TSPEAR: variants seen among roughly 807,000 people sequenced by gnomAD.
TSPEAR encodes thrombospondin type laminin G domain and EAR repeats, also known as thrombospondin-type laminin G domain and EAR repeat-containing protein.
Under a neutral mutation model 71.6 loss-of-function variants are expected in TSPEAR, and 69 were observed. The observed-to-expected ratio is 0.96, with a 90% CI of 0.79 to 1.18. TSPEAR has a LOEUF of 1.18. Ranked by LOEUF, TSPEAR falls within the 50% of genes most tolerant of loss-of-function variation. TSPEAR has a pLI of 0.00. For synonymous variants in TSPEAR, 402 were observed against 387.2 expected, an observed-to-expected ratio of 1.04 and a Z score of -0.45; for missense variants, 971 against 894.9, an observed-to-expected ratio of 1.09 and a Z score of -1.09.
intron 9 of TSPEAR, among the ~76,000 whole-genome samples, chr21:44,512,456 T>C (rs1424619124): frequency 6.6e-6 from 1 of 151,990 alleles, no homozygotes; most frequent in African/African-American, 2.4e-5. Flanking sequence ...AGACAGGGGC[T>C]TTGGGAGACC....
At chr21:44,646,493 C>T (rs377695090) in intron 1 of TSPEAR, 3 of 1,613,162 alleles carry the variant, frequency 1.9e-6, no homozygotes, top group Non-Finnish European at 2.5e-6. Context: ...TGCTCCAGCG[C>T]TTACTCCGAC....
chr21:44,652,169 G>A (rs1984843439), intron 1 of TSPEAR, among the ~76,000 whole-genome samples: 1 of 152,080 alleles, frequency 6.6e-6, no homozygotes, highest in Non-Finnish European at 1.5e-5. Flanking sequence ...ATTTTTAGTA[G>A]AGACGGGGTT....
intron 9 of TSPEAR, among the ~76,000 whole-genome samples, chr21:44,515,206 G>T (rs1555913226): frequency 6.6e-6 from 1 of 152,286 alleles, no homozygotes; most frequent in Non-Finnish European, 1.5e-5. Flanking sequence ...AACACAATGT[G>T]AGAAATGTTG....
chr21:44,677,890 T>C, intron 1 of TSPEAR: 2 of 1,394,540 alleles, frequency 1.4e-6, no homozygotes, highest in Non-Finnish European at 2.0e-6. Context: ...GAAGCCCATT[T>C]GGCATATAGG....
chr21:44,551,412 G>T, intron 2 of TSPEAR: 2 of 1,613,414 alleles, frequency 1.2e-6, no homozygotes, highest in Non-Finnish European at 1.7e-6. Flanking sequence ...CACCTGCCAG[G>T]AGTTGGTGCA....
intron 2 of TSPEAR, chr21:44,550,666 C>A (rs781863618): frequency 1.2e-6 from 2 of 1,610,104 alleles, no homozygotes; most frequent in East Asian, 4.5e-5. Context: ...GGCCTGAGCC[C>A]GGCTGGCCCT....
chr21:44,562,568 T>C (rs2053652325), intron 2 of TSPEAR, among the ~76,000 whole-genome samples: 1 of 151,966 alleles, frequency 6.6e-6, no homozygotes, highest in Non-Finnish European at 1.5e-5. Flanking sequence ...AACAGACATA[T>C]CATAGTAAAA....
At chr21:44,527,834 G>A (rs139940010) in intron 6 of TSPEAR, among the ~76,000 whole-genome samples, 83 of 152,308 alleles carry the variant, frequency 5.4e-4, no homozygotes, top group Non-Finnish European at 9.6e-4. Flanking sequence ...GCTCACACAC[G>A]TGCTGGGCGG....
At position 44,546,142 on chromosome 21, in the gene TSPEAR, A is replaced by T. The variant is rs587730187; in HGVS notation, c.304-12219T>A. Reference sequence around the variant, plus strand: ...AAAAGGATTATAAGGAATACTATGAAAATTTGTACACCAACAAATTAGATA... The same window carrying T: ...AAAAGGATTATAAGGAATACTATGATAATTTGTACACCAACAAATTAGATA... On this transcript the variant is annotated intron_variant, in intron 2 of 11. Coordinates refer to ENST00000323084, the MANE Select transcript of TSPEAR (RefSeq NM_144991.3). The surrounding 1 kb of genome is among the most constrained non-coding windows in gnomAD (Gnocchi z 4.4). Among the ~76,000 whole-genome samples, 5 of 152,356 alleles carry T rather than the reference A, an allele frequency of 3.3e-5. No homozygotes were observed. Among genetic ancestry groups the T allele is most frequent in the African/African-American group, 4.8e-5 (2 of 41,578 alleles).
In TSPEAR at chr21:44,527,443, A is replaced by G; in HGVS notation, c.998T>C (p.Phe333Ser). The stretch of plus-strand genomic sequence containing the variant: ...AAAGAGCCCCACCTGAGGGATGCGG[A>G]ACACCTCAATGCCCAGGGTCTCTGA... ...TNSETLGIEVFRIPQVGLFVA... is the reference protein window; with the variant it reads ...TNSETLGIEVSRIPQVGLFVA... The change falls in exon 7 of 12, where the codon TTC becomes TCC. Residue 333 changes from phenylalanine to serine, a missense_variant. By Grantham distance (155) the Phe-to-Ser change is radical. Transcript: ENST00000323084. The G allele has an allele frequency of 6.2e-7, 1 of 1,614,240 alleles. No individual in the cohort carries two copies. Among genetic ancestry groups the G allele is most frequent in the Non-Finnish European group, 8.5e-7 (1 of 1,180,048 alleles).
At chr21:44,538,714 G>C (rs1480391956) in intron 2 of TSPEAR, among the ~76,000 whole-genome samples, 6 of 152,150 alleles carry the variant, frequency 3.9e-5, no homozygotes, top group Admixed American at 1.3e-4. Flanking sequence ...GAGTGGGTGG[G>C]ACAGTCCTGG....
intron 2 of TSPEAR, chr21:44,540,308 C>T: frequency 4.0e-6 from 5 of 1,252,732 alleles, no homozygotes; most frequent in Non-Finnish European, 5.5e-6. Flanking sequence ...CCCACAGCGT[C>T]CCCTTCCTGG....
intron 1 of TSPEAR, among the ~76,000 whole-genome samples, chr21:44,619,931 G>C (rs587641028): frequency 6.6e-6 from 1 of 152,228 alleles, no homozygotes; most frequent in Non-Finnish European, 1.5e-5. Flanking sequence ...CCAGTTGGAG[G>C]GGAGACAGTG....
At chr21:44,677,684 A>T in intron 1 of TSPEAR, 1 of 1,411,520 alleles carries the variant, frequency 7.1e-7, no homozygotes, top group South Asian at 1.2e-5. Context: ...AAGCTGGAGT[A>T]TCTCCCTTTT....
chr21:44,590,234 C>A (rs1390385561), intron 1 of TSPEAR, among the ~76,000 whole-genome samples: 1 of 152,264 alleles, frequency 6.6e-6, no homozygotes, highest in Admixed American at 6.5e-5. Flanking sequence ...CACACAGCGA[C>A]CTGGCAGAAA....
intron 9 of TSPEAR, among the ~76,000 whole-genome samples, chr21:44,512,338 G>GGGGTA (rs2052412359): frequency 2.1e-5 from 3 of 144,942 alleles, no homozygotes; most frequent in African/African-American, 8.4e-5. Flanking sequence ...AAGTGCTGTG[G>GGGGTA]GGGTGGGGTG....
At chr21:44,658,442 C>A (rs1328384086) in intron 1 of TSPEAR, 2 of 498,364 alleles carry the variant, frequency 4.0e-6, no homozygotes, top group African/African-American at 7.3e-5. Flanking sequence ...CCCTGGGAAC[C>A]CCCTCAAGGA....
At chr21:44,603,937 C>T (rs880002590) in intron 1 of TSPEAR, among the ~76,000 whole-genome samples, 1 of 152,242 alleles carries the variant, frequency 6.6e-6, no homozygotes, top group Non-Finnish European at 1.5e-5. Flanking sequence ...AATCCCATCC[C>T]AGAGAAGCCA....
In TSPEAR at chr21:44,562,029, G is replaced by A. The variant is rs1474235231; in HGVS notation, c.303+5756C>T. On this transcript the variant is annotated intron_variant, in intron 2 of 11. Transcript: ENST00000323084. ...TAAAGAGTATTCGAATAGAAAAAGA[G>A]GAAGCCAAATTATCTCTGTTTGCAG... 9.9e-5 allele frequency among the ~76,000 whole-genome samples: 15 copies of A among 152,250 alleles called. No individual in the cohort carries two copies. In the East Asian group the frequency reaches 2.9e-3, roughly 29 times the overall value.
Sources: gnomAD v4.1 joint callset for allele counts (sites outside exome capture counted in the v4.1 genomes callset) on GRCh38, gnomAD v4.1.1 for gene constraint, Gnocchi (gnomAD v3.1) non-coding constraint, MANE v1.5 for transcripts, NCBI Gene and HGNC (gene_info 2026-07-23, HGNC 2026-07-21) for gene names.